CARMIL1: variants seen among roughly 807,000 people sequenced by gnomAD.
The protein encoded by CARMIL1 is F-actin-uncapping protein LRRC16A.
CARMIL1 carries 90 observed loss-of-function variants against 177.1 expected under a neutral mutation model. The ratio of observed to expected loss-of-function variants is 0.51; its 90% confidence interval spans 0.43 to 0.61. The LOEUF is 0.61. CARMIL1 is among the 20% of genes least tolerant of loss of function. The pLI, the probability that CARMIL1 is intolerant of heterozygous loss-of-function variation, is 0.00. For synonymous variants in CARMIL1, 577 were observed against 606.2 expected (o/e 0.95, Z 0.71); for missense variants, 1,380 against 1,667.0 (o/e 0.83, Z 3.00).
At chr6:25,520,544 A>G (rs301369) in intron 23 of CARMIL1, among the ~76,000 whole-genome samples, 65,813 of 151,992 alleles carry the variant, frequency 0.43, 14,648 homozygotes, top group Middle Eastern at 0.52. Context: ...AGCTTGCCAT[A>G]CAATTTAAGT....
rs916990535 is a variant in CARMIL1 at position 25,312,626 on chromosome 6, A to G, written c.138+27717A>G. On this transcript the variant is annotated intron_variant, in intron 2 of 36. Transcript: ENST00000329474. ...TTGAGGTCACTTACTTGGTTGGGAG[A>G]TTAATATTCTGGTGGGGAAACTTTC... Among the ~76,000 whole-genome samples the G allele has an allele frequency of 4.6e-5, 7 of 151,920 alleles. No individual in the cohort carries two copies. The South Asian group carries it at 1.2e-3, about 27-fold the overall frequency.
chr6:25,358,320 G>A (rs912037504), intron 2 of CARMIL1, among the ~76,000 whole-genome samples: 2 of 152,152 alleles, frequency 1.3e-5, no homozygotes, highest in Non-Finnish European at 2.9e-5. Flanking sequence ...TATGTAGACA[G>A]TAGAAAAGAA....
chr6:25,577,944 TA>T lies in CARMIL1; in HGVS notation c.2743-2979del, dbSNP rs1195023071. ...GTGTTTAAGATTTTCCTGCTAAAAT[TA>T]CATTTAAAATAAGGGTTTAACACCT... On this transcript the variant is annotated intron_variant, in intron 29 of 36. Transcript: ENST00000329474. This position sits in a 1 kb window ranked among gnomAD's most constrained non-coding sequence, Gnocchi z 4.5. Among the ~76,000 whole-genome samples, 1 of 152,180 alleles carries T rather than the reference TA, an allele frequency of 6.6e-6. No homozygotes were observed. Among genetic ancestry groups the T allele is most frequent in the East Asian group, 1.9e-4 (1 of 5,192 alleles).
intron 2 of CARMIL1, among the ~76,000 whole-genome samples, chr6:25,362,905 C>T (rs1276061734): frequency 6.6e-6 from 1 of 152,154 alleles, no homozygotes; most frequent in Non-Finnish European, 1.5e-5. Flanking sequence ...CATGATGGCA[C>T]ATGCCTGTAA....
Position 25,606,281 on chromosome 6 carries a change from T to C in CARMIL1, c.3847+8T>C. 6 of 1,611,214 alleles carry C rather than the reference T, an allele frequency of 3.7e-6. No individual in the cohort carries two copies. Among genetic ancestry groups the C allele is most frequent in the Non-Finnish European group, 5.1e-6 (6 of 1,179,026 alleles). On this transcript the variant is annotated splice_region_variant and intron_variant, in intron 35 of 36. Coordinates refer to ENST00000329474, the MANE Select transcript of CARMIL1 (RefSeq NM_017640.6). ...GAACCGCCTCACGGCCTGGTAAGAG[T>C]TTTGCAGTTAGGGAGTTGCATTGTG...
chr6:25,364,408 C>T (rs1789549043), intron 2 of CARMIL1, among the ~76,000 whole-genome samples: 1 of 152,100 alleles, frequency 6.6e-6, no homozygotes, highest in South Asian at 2.1e-4. Context: ...TAACCATAGC[C>T]AACTCTCTCC....
chr6:25,452,500 C>A, intron 8 of CARMIL1: 1 of 333,250 alleles, frequency 3.0e-6, no homozygotes, highest in Non-Finnish European at 5.4e-6. Flanking sequence ...TTTTGTGGGT[C>A]AAAACATTGG....
chr6:25,445,690 A>T (rs1798165280), intron 5 of CARMIL1, among the ~76,000 whole-genome samples: 1 of 151,926 alleles, frequency 6.6e-6, no homozygotes, highest in African/African-American at 2.4e-5. Context: ...GCCCGCCACC[A>T]GGTCCGGCTA....
chr6:25,482,689 TCTAA>T (rs1272716775), intron 12 of CARMIL1, among the ~76,000 whole-genome samples: 1 of 152,212 alleles, frequency 6.6e-6, no homozygotes, highest in Admixed American at 6.5e-5. Flanking sequence ...AGTTGGCCTT[TCTAA>T]CTGTCAGATA....
chr6:25,528,809 G>C lies in CARMIL1; in HGVS notation c.1983G>C (p.Leu661=). ...TTTATTTCCAGATAGAAAACTACCT[G>C]CTACGAAATCACGAGACTAGAAAAT... is the stretch of plus-strand genomic sequence containing the variant. The part of the protein sequence containing the change: ...EDALQKIENY[L]LRNHETRKYL... The change falls in exon 24 of 37, where the codon CTG becomes CTC. Residue 661 remains leucine, a synonymous_variant. Transcript: ENST00000329474. 1 of 1,604,818 alleles carries C rather than the reference G, an allele frequency of 6.2e-7. No individual in the cohort carries two copies. Among genetic ancestry groups the C allele is most frequent in the Non-Finnish European group, 8.5e-7 (1 of 1,175,334 alleles).
At position 25,375,859 on chromosome 6, in the gene CARMIL1, C is replaced by G. The variant is rs191701790; in HGVS notation, c.139-44255C>G. Among the ~76,000 whole-genome samples the G allele has an allele frequency of 6.0e-4, 92 of 152,234 alleles. 1 individual carries two copies. Among genetic ancestry groups the G allele is most frequent in the African/African-American group, 2.2e-3 (91 of 41,542 alleles). On this transcript the variant is annotated intron_variant, in intron 2 of 36. Transcript: ENST00000329474. ...ATTGGTTTTTCTTCAGAATATCTGT[C>G]TCTTTAGAAAATTTTTTGTTCATAC...
chr6:25,321,711 T>C (rs1303070838), intron 2 of CARMIL1, among the ~76,000 whole-genome samples: 1 of 151,942 alleles, frequency 6.6e-6, no homozygotes, highest in African/African-American at 2.4e-5. Flanking sequence ...CAGGCTGGAG[T>C]GCAGTGGTGC....
intron 2 of CARMIL1, among the ~76,000 whole-genome samples, chr6:25,418,352 A>G (rs1795543291): frequency 6.6e-6 from 1 of 152,132 alleles, no homozygotes; most frequent in Non-Finnish European, 1.5e-5. Flanking sequence ...CATTGGGTTA[A>G]TGCCTTATTG....
rs377548646 is a variant in CARMIL1, at chr6:25,387,114, C to CAAAAAAAAAAAAAA, written c.139-32994_139-32981dup. Among the ~76,000 whole-genome samples, 56 of 101,908 alleles carry CAAAAAAAAAAAAAA rather than the reference C, an allele frequency of 5.5e-4. 3 individuals carry two copies. Among genetic ancestry groups the CAAAAAAAAAAAAAA allele is most frequent in the African/African-American group, 2.4e-3 (54 of 22,494 alleles). 66.9% of individuals were successfully genotyped at this position (101,908 alleles called of 152,430 possible). A position where few individuals can be genotyped will look rare whatever the true frequency, so the allele number is the denominator to read the frequency against. On this transcript the variant is annotated intron_variant, in intron 2 of 36. Transcript: ENST00000329474. ...GGGTGACAGAGTGAGACTCTGTCTCCAAAAAAAAAAAAAAAAAAATCACAA... is the reference window on the plus strand; with the variant it reads ...GGGTGACAGAGTGAGACTCTGTCTCCAAAAAAAAAAAAAAAAAAAAAAAAAAAAAAAAATCACAA...
At chr6:25,281,136 G>GCGCGCGCGCACACACACACA (rs10642536) in intron 1 of CARMIL1, among the ~76,000 whole-genome samples, 1 of 132,102 alleles carries the variant, frequency 7.6e-6, no homozygotes, top group Non-Finnish European at 1.6e-5. Flanking sequence ...GTGCGCGCGC[G>GCGCGCGCGCACACACACACA]CACACACACA....
intron 23 of CARMIL1, chr6:25,527,507 G>C (rs1254491223): frequency 3.4e-6 from 1 of 295,478 alleles, no homozygotes; most frequent in South Asian, 2.9e-5. Context: ...AGGACCGGAA[G>C]CTGGGTGGTG....
At chr6:25,565,786 A>C (rs1208460179) in intron 29 of CARMIL1, among the ~76,000 whole-genome samples, 1 of 152,214 alleles carries the variant, frequency 6.6e-6, no homozygotes, top group Non-Finnish European at 1.5e-5. Flanking sequence ...TGGAGGTTGC[A>C]GTGAGCCGAA....
chr6:25,280,350 G>C (rs1004799941), intron 1 of CARMIL1, among the ~76,000 whole-genome samples: 1 of 152,184 alleles, frequency 6.6e-6, no homozygotes, highest in Admixed American at 6.5e-5. Context: ...CGCAGACTTG[G>C]GGGAGTGGGC....
chr6:25,281,136 G>GCGCGCACACA (rs10642536), intron 1 of CARMIL1, among the ~76,000 whole-genome samples: 8,323 of 131,838 alleles, frequency 0.063, 350 homozygotes, highest in Admixed American at 0.12. Flanking sequence ...GTGCGCGCGC[G>GCGCGCACACA]CACACACACA....
Sources: gnomAD v4.1 joint callset for allele counts (sites outside exome capture counted in the v4.1 genomes callset) on GRCh38, gnomAD v4.1.1 for gene constraint, Gnocchi (gnomAD v3.1) non-coding constraint, MANE v1.5 for transcripts, NCBI Gene and HGNC (gene_info 2026-07-23, HGNC 2026-07-21) for gene names.